SUCLG2: variants seen among roughly 807,000 people sequenced by gnomAD.
SUCLG2 encodes the protein succinate--CoA ligase [GDP-forming] subunit beta, mitochondrial.
Under a neutral mutation model 47.9 loss-of-function variants are expected in SUCLG2, and 42 were observed. That is an observed-to-expected ratio of 0.88 (90% CI 0.69 to 1.14). The LOEUF is 1.14. Among genes scored for constraint, SUCLG2 ranks in the 50% most tolerant of loss-of-function variants. The probability of loss-of-function intolerance (pLI) is 0.00; values close to 1 mark genes in which losing one functional copy is unlikely to be tolerated. For missense variants in SUCLG2, 571 were observed against 525.9 expected, an observed-to-expected ratio of 1.09 and a Z score of -0.84; for synonymous variants, 195 against 197.3, an observed-to-expected ratio of 0.99 and a Z score of 0.10.
chr3:67,557,187 C>T (rs1435416513), intron 2 of SUCLG2, among the ~76,000 whole-genome samples: 1 of 152,140 alleles, frequency 6.6e-6, no homozygotes, highest in Non-Finnish European at 1.5e-5. Flanking sequence ...GAATCTCCTT[C>T]CTAGTATCAA....
At chr3:67,413,240 A>G (rs1246081360) in intron 9 of SUCLG2, among the ~76,000 whole-genome samples, 1 of 152,166 alleles carries the variant, frequency 6.6e-6, no homozygotes, top group Non-Finnish European at 1.5e-5. Context: ...GTCAGGTGAA[A>G]ACGAGCTTCT....
chr3:67,510,363 G>A (rs1469665384), intron 6 of SUCLG2, among the ~76,000 whole-genome samples: 1 of 152,152 alleles, frequency 6.6e-6, no homozygotes, highest in Admixed American at 6.5e-5. Flanking sequence ...CCCACATAAT[G>A]AGTATGATTA....
chr3:67,498,538 T>C (rs117761705), intron 7 of SUCLG2, among the ~76,000 whole-genome samples: 1,963 of 152,308 alleles, frequency 0.013, 25 homozygotes, highest in Admixed American at 0.028. Flanking sequence ...CTCATTTCAA[T>C]AGAATAACCC....
intron 2 of SUCLG2, among the ~76,000 whole-genome samples, chr3:67,560,696 C>T (rs541916526): frequency 6.6e-6 from 1 of 152,188 alleles, no homozygotes; most frequent in Admixed American, 6.5e-5. Flanking sequence ...TAAACTCAGC[C>T]TTTGGGAGTG....
chr3:67,604,841 T>G lies in SUCLG2; in HGVS notation c.226+4614A>C, dbSNP rs141530105. Among the ~76,000 whole-genome samples, 476 of 152,302 alleles carry G rather than the reference T, an allele frequency of 3.1e-3. 1 individual carries two copies. The highest frequency in any genetic ancestry group is 0.011 in the African/African-American group (469 of 41,552). ...CAGATATGATTAATGTCACATTTAT[T>G]TTCAAAATATTTTATAAAATGTCAT... is the stretch of plus-strand genomic sequence containing the variant. On this transcript the variant is annotated intron_variant, in intron 2 of 10. Transcript: ENST00000307227.
intron 2 of SUCLG2, among the ~76,000 whole-genome samples, chr3:67,598,828 T>C (rs923954516): frequency 3.3e-5 from 5 of 152,178 alleles, no homozygotes; most frequent in African/African-American, 1.2e-4. Flanking sequence ...ACTACTGACA[T>C]CCCACATTTT....
intron 10 of SUCLG2, among the ~76,000 whole-genome samples, chr3:67,378,040 C>T (rs565928452): frequency 1.3e-5 from 2 of 152,302 alleles, no homozygotes; most frequent in African/African-American, 4.8e-5. Context: ...CACTCACCCT[C>T]TTAGACCTTA....
intron 9 of SUCLG2, among the ~76,000 whole-genome samples, chr3:67,468,867 T>C (rs916794102): frequency 1.3e-5 from 2 of 152,130 alleles, no homozygotes; most frequent in Non-Finnish European, 2.9e-5. Flanking sequence ...GAATACAAAA[T>C]TACCTGTATG....
At chr3:67,577,402 C>G (rs1035204173) in intron 2 of SUCLG2, among the ~76,000 whole-genome samples, 3 of 151,958 alleles carry the variant, frequency 2.0e-5, no homozygotes, top group African/African-American at 7.3e-5. Flanking sequence ...AATTAGGACT[C>G]AGAGCAGAGC....
Position 67,654,537 on chromosome 3 carries a change from G to T in SUCLG2, c.50C>A (p.Ala17Glu), listed in dbSNP as rs865861886. The T allele has an allele frequency of 7.9e-7, 1 of 1,261,732 alleles. No individual in the cohort carries two copies. The highest frequency in any genetic ancestry group is 1.0e-6 in the Non-Finnish European group (1 of 1,001,330). 78.2% of individuals were successfully genotyped at this position (1,261,732 alleles called of 1,614,324 possible). The stretch of plus-strand genomic sequence containing the variant: ...GGCCGCCAGGAAGCGGGGCCGCAGC[G>T]CTAGGGCTCGCAGAAGCTTCCCGGC... The part of the protein sequence containing the change: ...AQAGKLLRAL[A>E]LRPRFLAAGS... Residue 17 changes from alanine to glutamate, a missense_variant, in exon 1 of 11, where the codon GCG becomes GAG. Ala to Glu is a moderately radical substitution (Grantham distance 107, BLOSUM62 -1). Coordinates refer to ENST00000307227, the MANE Select transcript of SUCLG2 (RefSeq NM_003848.4).
chr3:67,550,051 T>C (rs1341063035), intron 2 of SUCLG2, among the ~76,000 whole-genome samples: 1 of 152,180 alleles, frequency 6.6e-6, no homozygotes, highest in Non-Finnish European at 1.5e-5. Context: ...CAAAATAAAG[T>C]AACGGGCAAA....
intron 2 of SUCLG2, among the ~76,000 whole-genome samples, chr3:67,595,066 C>T (rs1294115757): frequency 6.6e-6 from 1 of 152,156 alleles, no homozygotes; most frequent in Non-Finnish European, 1.5e-5. Flanking sequence ...TATGAAATTA[C>T]AAGCCTTTAG....
At chr3:67,626,913 C>CAAAAA (rs35290770) in intron 1 of SUCLG2, among the ~76,000 whole-genome samples, 4 of 42,086 alleles carry the variant, frequency 9.5e-5, no homozygotes, top group Non-Finnish European at 1.6e-4. Flanking sequence ...GACTCCGTCT[C>CAAAAA]AAAAAAAAAA....
chr3:67,608,244 C>T (rs1700459178), intron 2 of SUCLG2, among the ~76,000 whole-genome samples: 1 of 152,156 alleles, frequency 6.6e-6, no homozygotes, highest in Admixed American at 6.5e-5. Flanking sequence ...CGACAACTGA[C>T]TCACCCTGCA....
At chr3:67,462,862 A>G (rs1311022366) in intron 9 of SUCLG2, among the ~76,000 whole-genome samples, 1 of 152,162 alleles carries the variant, frequency 6.6e-6, no homozygotes, top group Non-Finnish European at 1.5e-5. Flanking sequence ...CTCCAGGTGG[A>G]GTGTCAGAAC....
At chr3:67,631,264 T>A (rs946299971) in intron 1 of SUCLG2, among the ~76,000 whole-genome samples, 1 of 152,214 alleles carries the variant, frequency 6.6e-6, no homozygotes, top group Non-Finnish European at 1.5e-5. Flanking sequence ...CAGGAAAAGA[T>A]GACCCTCTTG....
chr3:67,369,606 G>A (rs1166331485), intron 10 of SUCLG2, among the ~76,000 whole-genome samples: 3 of 152,166 alleles, frequency 2.0e-5, no homozygotes, highest in Non-Finnish European at 2.9e-5. Flanking sequence ...CCGTTCCGCT[G>A]GGCCTGTGTG....
chr3:67,513,870 G>C (rs980368794), intron 6 of SUCLG2: 1 of 152,332 alleles, frequency 6.6e-6, no homozygotes, highest in Non-Finnish European at 1.5e-5. Context: ...CTTTAAAAAT[G>C]TCTCAAAAGG....
chr3:67,456,726 G>C (rs776483553), intron 9 of SUCLG2, among the ~76,000 whole-genome samples: 3 of 152,132 alleles, frequency 2.0e-5, no homozygotes, highest in Non-Finnish European at 2.9e-5. Context: ...AAACATATTA[G>C]CAAAAATACA....
Sources: gnomAD v4.1 joint callset for allele counts (sites outside exome capture counted in the v4.1 genomes callset) on GRCh38, gnomAD v4.1.1 for gene constraint, MANE v1.5 for transcripts, NCBI Gene and HGNC (gene_info 2026-07-23, HGNC 2026-07-21) for gene names.